GLO1: variants seen among roughly 807,000 people sequenced by gnomAD.
GLO1 encodes the protein lactoylglutathione lyase.
In GLO1, 28 loss-of-function variants were observed where a neutral mutation model predicts 26.0. That is an observed-to-expected ratio of 1.08 (90% CI 0.80 to 1.48). The LOEUF (loss-of-function observed/expected upper bound fraction) is 1.48. GLO1 is among the 40% of genes most tolerant of loss of function. The probability of loss-of-function intolerance (pLI) is 0.00; values close to 1 mark genes in which losing one functional copy is unlikely to be tolerated. For synonymous variants in GLO1, 78 were observed against 77.6 expected (o/e 1.00, Z -0.03); for missense variants, 225 against 224.8 (o/e 1.00, Z -0.01).
intron 1 of GLO1, among the ~76,000 whole-genome samples, chr6:38,693,658 G>GCTCTCTCTCTCTCTCTCTCT: frequency 7.8e-6 from 1 of 127,608 alleles, no homozygotes; most frequent in East Asian, 2.4e-4. Context: ...TTTTCATTCA[G>GCTCTCTCTCTCTCTCTCTCT]CTCTCTCTCT....
At chr6:38,693,617 T>C (rs1320075633) in intron 1 of GLO1, among the ~76,000 whole-genome samples, 2 of 151,482 alleles carry the variant, frequency 1.3e-5, no homozygotes, top group Non-Finnish European at 2.9e-5. Context: ...CATTTCCCCC[T>C]TTGCACTGTT....
chr6:38,691,150 T>C (rs1373438327), intron 1 of GLO1, among the ~76,000 whole-genome samples: 1 of 152,170 alleles, frequency 6.6e-6, no homozygotes, highest in Non-Finnish European at 1.5e-5. Flanking sequence ...AAGGTGTCTT[T>C]TATGCCTAAA....
In GLO1 at chr6:38,693,245, T is replaced by C. The variant is rs577574985; in HGVS notation, c.85-6271A>G. 2.0e-5 allele frequency among the ~76,000 whole-genome samples: 3 copies of C among 152,334 alleles called. No homozygotes were observed. The South Asian group carries it at 6.2e-4, about 32-fold the overall frequency. On this transcript the variant is annotated intron_variant, in intron 1 of 5. Coordinates refer to ENST00000373365, the MANE Select transcript of GLO1 (RefSeq NM_006708.3). ...ATATTAGTTCATATTGGATGAGGAA[T>C]TGGTCCAATTCAAGTTGTCAAATTT...
At chr6:38,699,775 C>G (rs1761670204) in intron 1 of GLO1, among the ~76,000 whole-genome samples, 1 of 152,132 alleles carries the variant, frequency 6.6e-6, no homozygotes, top group African/African-American at 2.4e-5. Flanking sequence ...GACCGCTTCT[C>G]TGCTCTCGAA....
intron 1 of GLO1, among the ~76,000 whole-genome samples, chr6:38,694,748 A>G (rs1761584647): frequency 6.6e-6 from 1 of 151,804 alleles, no homozygotes; most frequent in Non-Finnish European, 1.5e-5. Flanking sequence ...CCTTTCAGTT[A>G]TATCAGTTTT....
At chr6:38,691,446 C>T (rs570559171) in intron 1 of GLO1, among the ~76,000 whole-genome samples, 102 of 152,116 alleles carry the variant, frequency 6.7e-4, no homozygotes, top group African/African-American at 2.3e-3. Context: ...GTAGCTGGGA[C>T]TACAGGCACC....
chr6:38,689,836 C>CT (rs1035526502), intron 1 of GLO1, among the ~76,000 whole-genome samples: 136 of 151,148 alleles, frequency 9.0e-4, no homozygotes, highest in Non-Finnish European at 1.7e-3. Flanking sequence ...ATATTCTTTT[C>CT]TTTTTTTTTG....
chr6:38,684,581 CA>C, intron 2 of GLO1, 67 bp from the exon 3 acceptor site: 1 of 1,045,562 alleles, frequency 9.6e-7, no homozygotes, highest in Non-Finnish European at 1.3e-6. Flanking sequence ...CTATAATCAA[CA>C]TAACTTAATA....
In GLO1 at chr6:38,689,885, A is replaced by G. The variant is rs560099266; in HGVS notation, c.85-2911T>C. Among the ~76,000 whole-genome samples, 6 of 152,122 alleles carry G rather than the reference A, an allele frequency of 3.9e-5. 1 individual carries two copies. In the South Asian group the frequency reaches 1.2e-3, roughly 32 times the overall value. On this transcript the variant is annotated intron_variant, in intron 1 of 5. Transcript: ENST00000373365. ...CTCTGTTTCCAGGCTAGAGTGCAGC[A>G]GTGAGATCTTGGCTCACTGCAACCC...
At chr6:38,696,707 G>C (rs1031896801) in intron 1 of GLO1, among the ~76,000 whole-genome samples, 2 of 152,102 alleles carry the variant, frequency 1.3e-5, no homozygotes, top group African/African-American at 4.8e-5. Context: ...CAAACATTCA[G>C]ACCATAGCAC....
At chr6:38,687,909 T>C (rs1198833860) in intron 1 of GLO1, among the ~76,000 whole-genome samples, 1 of 151,904 alleles carries the variant, frequency 6.6e-6, no homozygotes, top group African/African-American at 2.4e-5. Context: ...TTTTTTTTTT[T>C]CTGTTAAACC....
chr6:38,683,715 G>A (rs1253911852), intron 3 of GLO1, among the ~76,000 whole-genome samples: 2 of 151,898 alleles, frequency 1.3e-5, no homozygotes, highest in Admixed American at 6.6e-5. Context: ...GTGAAACCCC[G>A]TCTCTACAAA....
At chr6:38,689,044 A>T (rs1423485898) in intron 1 of GLO1, among the ~76,000 whole-genome samples, 1 of 152,206 alleles carries the variant, frequency 6.6e-6, no homozygotes, top group Non-Finnish European at 1.5e-5. Flanking sequence ...CATGGGGCAC[A>T]TGTGCCAGGA....
chr6:38,678,417 AAAG>A (rs1178152718), intron 5 of GLO1, among the ~76,000 whole-genome samples: 1 of 151,894 alleles, frequency 6.6e-6, no homozygotes, highest in African/African-American at 2.4e-5. Flanking sequence ...AAGGAAAAGA[AAAG>A]AAAAGAAAAG....
At chr6:38,684,338 T>A in intron 3 of GLO1, 36 bp downstream of exon 3, 1 of 1,121,536 alleles carries the variant, frequency 8.9e-7, no homozygotes, top group Non-Finnish European at 1.2e-6. Context: ...CCTTAAAAAA[T>A]CTATAATATA....
intron 5 of GLO1, among the ~76,000 whole-genome samples, chr6:38,679,173 A>G (rs979553503): frequency 2.0e-5 from 3 of 152,100 alleles, no homozygotes; most frequent in African/African-American, 7.2e-5. Flanking sequence ...TACTGAAATG[A>G]AGTACAGTGG....
intron 1 of GLO1, among the ~76,000 whole-genome samples, chr6:38,697,119 T>C (rs1293562649): frequency 2.0e-5 from 3 of 152,150 alleles, no homozygotes; most frequent in Non-Finnish European, 2.9e-5. Flanking sequence ...TTCACCATGT[T>C]GGTTAGGCTG....
rs140050270 is a variant in GLO1, at chr6:38,700,990, G to A, written c.84+1981C>T. 2.7e-3 allele frequency among the ~76,000 whole-genome samples: 413 copies of A among 152,240 alleles called. 7 individuals are homozygous for A. The highest frequency in any genetic ancestry group is 9.6e-3 in the African/African-American group (397 of 41,526). ...AGCAGAGTTTTGCCATGTTGGCCAGGCTGGTCTCGAACTGCTAACCTCAGG... is the reference window on the plus strand; with the variant it reads ...AGCAGAGTTTTGCCATGTTGGCCAGACTGGTCTCGAACTGCTAACCTCAGG... On this transcript the variant is annotated intron_variant, in intron 1 of 5. Coordinates refer to ENST00000373365, the MANE Select transcript of GLO1 (RefSeq NM_006708.3).
At chr6:38,694,733 T>A (rs1292691786) in intron 1 of GLO1, among the ~76,000 whole-genome samples, 1 of 152,140 alleles carries the variant, frequency 6.6e-6, no homozygotes, top group Non-Finnish European at 1.5e-5. Context: ...GATTTTTCTA[T>A]TTCTCCTTTC....
Sources: allele counts gnomAD v4.1 joint callset (sites outside exome capture counted in the v4.1 genomes callset), GRCh38; gene constraint gnomAD v4.1.1; transcripts MANE v1.5; gene names NCBI Gene and HGNC (gene_info 2026-07-23, HGNC 2026-07-21).